The following UBE2E2 variants were observed in gnomAD, a reference collection of about 807,000 sequenced individuals.
UBE2E2 encodes ubiquitin conjugating enzyme E2 E2.
A neutral mutation model predicts 24.7 loss-of-function variants in UBE2E2; 6 were observed. The ratio of observed to expected loss-of-function variants is 0.24; its 90% CI spans 0.13 to 0.48. UBE2E2 has a LOEUF of 0.48. Among genes scored for constraint, UBE2E2 ranks in the 20% least tolerant of loss-of-function variants. The pLI is 0.99. For synonymous variants in UBE2E2, 104 were observed against 83.6 expected, an observed-to-expected ratio of 1.24 and a Z score of -1.33; for missense variants, 169 against 245.0, an observed-to-expected ratio of 0.69 and a Z score of 2.07.
At chr3:23,335,143 G>A (rs760361608) in intron 3 of UBE2E2, among the ~76,000 whole-genome samples, 16 of 152,024 alleles carry the variant, frequency 1.1e-4, no homozygotes, top group Non-Finnish European at 1.9e-4. Flanking sequence ...TATTTTGTGG[G>A]TCTCAAATAT....
At chr3:23,394,503 C>T (rs1375893905) in intron 3 of UBE2E2, among the ~76,000 whole-genome samples, 2 of 152,048 alleles carry the variant, frequency 1.3e-5, no homozygotes, top group Admixed American at 6.6e-5. Context: ...TGTTATAGAC[C>T]GTGCTTCCTG....
chr3:23,484,346 G>A (rs1226762086), intron 3 of UBE2E2, among the ~76,000 whole-genome samples: 2 of 152,180 alleles, frequency 1.3e-5, no homozygotes, highest in African/African-American at 2.4e-5. Flanking sequence ...CTTATCCTGA[G>A]AGAACCTAAT....
intron 5 of UBE2E2, among the ~76,000 whole-genome samples, chr3:23,535,072 CATG>C (rs1387249734): frequency 6.6e-6 from 1 of 152,164 alleles, no homozygotes; most frequent in Admixed American, 6.5e-5. Context: ...TCCTTATCAG[CATG>C]ATATTTGTAG....
intron 3 of UBE2E2, among the ~76,000 whole-genome samples, chr3:23,408,956 C>A (rs950288734): frequency 1.3e-5 from 2 of 152,096 alleles, no homozygotes; most frequent in African/African-American, 4.8e-5. Flanking sequence ...TTAATTCCTA[C>A]TTCTGTGGGA....
At chr3:23,557,243 TGCTAACCAATATGGCAG>T (rs1331784320) in intron 5 of UBE2E2, among the ~76,000 whole-genome samples, 1 of 152,226 alleles carries the variant, frequency 6.6e-6, no homozygotes, top group Admixed American at 6.5e-5. Flanking sequence ...GCAGTTCAGA[TGCTAACCAATATGGCAG>T]GCTCATTGAA....
At chr3:23,351,444 T>G (rs1695744920) in intron 3 of UBE2E2, among the ~76,000 whole-genome samples, 1 of 152,110 alleles carries the variant, frequency 6.6e-6, no homozygotes, top group South Asian at 2.1e-4. Flanking sequence ...ACTGGCAAAT[T>G]GGATAAAGAG....
intron 5 of UBE2E2, among the ~76,000 whole-genome samples, chr3:23,576,220 T>C (rs924773464): frequency 6.6e-6 from 1 of 152,150 alleles, no homozygotes; most frequent in South Asian, 2.1e-4. Context: ...GGAATAAAAG[T>C]ATTATGAAAG....
At chr3:23,206,116 A>G (rs1395561115) in intron 1 of UBE2E2, among the ~76,000 whole-genome samples, 2 of 152,222 alleles carry the variant, frequency 1.3e-5, no homozygotes, top group Non-Finnish European at 2.9e-5. Context: ...TAAAATGTAT[A>G]AAATGATTTC....
At chr3:23,443,050 C>T (rs1190382380) in intron 3 of UBE2E2, among the ~76,000 whole-genome samples, 3 of 152,214 alleles carry the variant, frequency 2.0e-5, no homozygotes, top group Non-Finnish European at 4.4e-5. Context: ...GTTTTCTACT[C>T]ACCTCTCTGG....
At chr3:23,585,527 G>A (rs6795813) in intron 5 of UBE2E2, among the ~76,000 whole-genome samples, 151,438 of 152,296 alleles carry the variant, frequency 0.99, 75,301 homozygotes, top group Middle Eastern at 1. Context: ...AATACATGCC[G>A]TACTGGTGTT....
At chr3:23,448,921 T>C (rs1698492427) in intron 3 of UBE2E2, among the ~76,000 whole-genome samples, 1 of 152,240 alleles carries the variant, frequency 6.6e-6, no homozygotes, top group Non-Finnish European at 1.5e-5. Flanking sequence ...ATCTGTTTAC[T>C]TCTTCTGTCT....
intron 4 of UBE2E2, among the ~76,000 whole-genome samples, chr3:23,531,323 T>G (rs533755661): frequency 1.3e-5 from 2 of 152,304 alleles, no homozygotes; most frequent in East Asian, 3.9e-4. Flanking sequence ...ACCCTGAGAT[T>G]TTTGTATATT....
chr3:23,334,118 A>G (rs1695141560), intron 3 of UBE2E2, among the ~76,000 whole-genome samples: 1 of 152,222 alleles, frequency 6.6e-6, no homozygotes, highest in South Asian at 2.1e-4. Flanking sequence ...TCTCATATCT[A>G]GTAACAAGAC....
chr3:23,217,456 A>T (rs1004535474), intron 3 of UBE2E2, 144 bp downstream of exon 3: 8 of 769,356 alleles, frequency 1.0e-5, no homozygotes, highest in Non-Finnish European at 1.7e-5. Context: ...GTGGAAGACA[A>T]TGGTTTTTGT....
intron 4 of UBE2E2, among the ~76,000 whole-genome samples, chr3:23,513,252 A>C (rs1375560215): frequency 6.6e-6 from 1 of 152,176 alleles, no homozygotes; most frequent in Non-Finnish European, 1.5e-5. Context: ...GGTAATATAT[A>C]TACACAGTAA....
intron 3 of UBE2E2, among the ~76,000 whole-genome samples, chr3:23,438,146 C>G (rs1019247434): frequency 2.6e-5 from 4 of 152,126 alleles, no homozygotes; most frequent in Admixed American, 2.6e-4. Flanking sequence ...AGCATTTTAA[C>G]TTGATTCAGG....
intron 3 of UBE2E2, among the ~76,000 whole-genome samples, chr3:23,492,531 G>A (rs976955359): frequency 6.6e-6 from 1 of 152,188 alleles, no homozygotes. Flanking sequence ...TTGCTGTGTA[G>A]TATGATTAGA....
intron 3 of UBE2E2, among the ~76,000 whole-genome samples, chr3:23,341,154 C>A (rs1695378004): frequency 6.6e-6 from 1 of 152,128 alleles, no homozygotes; most frequent in South Asian, 2.1e-4. Context: ...TTTCACCCAA[C>A]TGCAGCATTA....
intron 5 of UBE2E2, among the ~76,000 whole-genome samples, chr3:23,559,424 A>T (rs983991559): frequency 2.0e-5 from 3 of 152,138 alleles, no homozygotes; most frequent in Admixed American, 6.6e-5. Flanking sequence ...GCCCTTCTCT[A>T]TCAGAAAGAC....
Sources: gnomAD v4.1 joint callset for allele counts (sites outside exome capture counted in the v4.1 genomes callset) on GRCh38, gnomAD v4.1.1 for gene constraint, MANE v1.5 for transcripts, NCBI Gene and HGNC (gene_info 2026-07-23, HGNC 2026-07-21) for gene names.